The following INPP4B variants were observed in gnomAD, a reference collection of about 807,000 sequenced individuals.
INPP4B encodes inositol polyphosphate-4-phosphatase type II B.
In INPP4B, 55 loss-of-function variants were observed where a neutral mutation model predicts 122.5. The observed-to-expected ratio is 0.45, with a 90% CI of 0.36 to 0.56. The LOEUF (loss-of-function observed/expected upper bound fraction) is 0.56. INPP4B is among the 20% of genes least tolerant of loss of function. The probability of loss-of-function intolerance (pLI) is 0.00; values close to 1 mark genes in which losing one functional copy is unlikely to be tolerated. For missense variants in INPP4B, 1,000 were observed against 1,097.7 expected, an observed-to-expected ratio of 0.91 and a Z score of 1.26; for synonymous variants, 403 against 388.7, an observed-to-expected ratio of 1.04 and a Z score of -0.43.
intron 18 of INPP4B, among the ~76,000 whole-genome samples, chr4:142,135,412 T>G (rs1190775059): frequency 6.7e-6 from 1 of 149,464 alleles, no homozygotes; most frequent in Non-Finnish European, 1.5e-5. Flanking sequence ...ATTTTTAACC[T>G]TAAAAAAAAG....
intron 1 of INPP4B, among the ~76,000 whole-genome samples, chr4:142,762,015 A>T (rs958467897): frequency 3.9e-5 from 6 of 152,160 alleles, no homozygotes; most frequent in African/African-American, 1.4e-4. Flanking sequence ...TAAAAGAAAA[A>T]TGTGTTGCAT....
At chr4:142,631,725 A>G (rs532209632) in intron 2 of INPP4B, among the ~76,000 whole-genome samples, 1 of 152,120 alleles carries the variant, frequency 6.6e-6, no homozygotes, top group Non-Finnish European at 1.5e-5. Flanking sequence ...AGCAACAATT[A>G]CTCTGTCAGC....
chr4:142,441,652 T>C (rs187684361), intron 3 of INPP4B, among the ~76,000 whole-genome samples: 1 of 152,140 alleles, frequency 6.6e-6, no homozygotes, highest in East Asian at 1.9e-4. Context: ...GAGGAATTAA[T>C]CTTAAGGTGC....
intron 25 of INPP4B, among the ~76,000 whole-genome samples, chr4:142,070,976 G>T (rs1766902771): frequency 6.6e-6 from 1 of 152,028 alleles, no homozygotes; most frequent in African/African-American, 2.4e-5. Context: ...CACAGAATTG[G>T]AAAAAACTAC....
At chr4:142,091,268 C>A (rs906295436) in intron 23 of INPP4B, among the ~76,000 whole-genome samples, 1 of 152,146 alleles carries the variant, frequency 6.6e-6, no homozygotes, top group African/African-American at 2.4e-5. Flanking sequence ...AGCCAAGATT[C>A]CAGGAAAGTG....
chr4:142,087,259 C>T (rs142483616), intron 23 of INPP4B, among the ~76,000 whole-genome samples: 13 of 152,032 alleles, frequency 8.6e-5, no homozygotes, highest in South Asian at 4.2e-4. Flanking sequence ...AGATATGACA[C>T]GGAAAGAGGA....
At chr4:142,199,118 G>A (rs1839637904) in intron 14 of INPP4B, among the ~76,000 whole-genome samples, 1 of 151,972 alleles carries the variant, frequency 6.6e-6, no homozygotes, top group Admixed American at 6.6e-5. Flanking sequence ...CTCACACAAT[G>A]TAAAATATGG....
At chr4:142,688,514 T>C (rs1001869517) in intron 2 of INPP4B, among the ~76,000 whole-genome samples, 2 of 152,150 alleles carry the variant, frequency 1.3e-5, no homozygotes, top group Non-Finnish European at 2.9e-5. Context: ...GAAGCCTTCT[T>C]GAAACCACCT....
chr4:142,612,482 T>C (rs561075584), intron 2 of INPP4B, among the ~76,000 whole-genome samples: 23 of 152,292 alleles, frequency 1.5e-4, no homozygotes, highest in Admixed American at 1.2e-3. Flanking sequence ...CAGAAATGTA[T>C]TTCTCACTGT....
chr4:142,565,467 A>C (rs913096575), intron 2 of INPP4B, among the ~76,000 whole-genome samples: 1 of 152,214 alleles, frequency 6.6e-6, no homozygotes, highest in Non-Finnish European at 1.5e-5. Flanking sequence ...AACACAAATA[A>C]GTGAGTGAAC....
At chr4:142,438,122 T>C (rs1346063488) in intron 3 of INPP4B, among the ~76,000 whole-genome samples, 2 of 152,162 alleles carry the variant, frequency 1.3e-5, no homozygotes, top group African/African-American at 4.8e-5. Context: ...AATGTCCATA[T>C]TGTGCAAAGT....
chr4:142,321,679 A>C (rs1039836913), intron 7 of INPP4B, among the ~76,000 whole-genome samples: 1 of 152,052 alleles, frequency 6.6e-6, no homozygotes, highest in African/African-American at 2.4e-5. Flanking sequence ...CATTTGTTGA[A>C]TAGAGTGTCC....
chr4:142,301,216 C>T (rs1053575782), intron 9 of INPP4B, among the ~76,000 whole-genome samples: 5 of 152,112 alleles, frequency 3.3e-5, no homozygotes, highest in Non-Finnish European at 5.9e-5. Flanking sequence ...GCTAGCATTA[C>T]ATTTAGCATC....
intron 7 of INPP4B, among the ~76,000 whole-genome samples, chr4:142,382,500 C>T (rs1039736232): frequency 6.7e-6 from 1 of 148,600 alleles, no homozygotes; most frequent in African/African-American, 2.5e-5. Flanking sequence ...CAGTGAGACT[C>T]CGTTTCAAAA....
At chr4:142,613,238 C>T (rs563695305) in intron 2 of INPP4B, among the ~76,000 whole-genome samples, 7 of 152,164 alleles carry the variant, frequency 4.6e-5, no homozygotes, top group Non-Finnish European at 1.0e-4. Flanking sequence ...GTTTAATACA[C>T]TACTATTTGT....
chr4:142,607,334 T>C (rs1283521531), intron 2 of INPP4B, among the ~76,000 whole-genome samples: 1 of 152,116 alleles, frequency 6.6e-6, no homozygotes, highest in Non-Finnish European at 1.5e-5. Context: ...AATTACTCTA[T>C]TAAAGGCTAT....
chr4:142,574,890 A>G (rs1733526197), intron 2 of INPP4B, among the ~76,000 whole-genome samples: 1 of 152,064 alleles, frequency 6.6e-6, no homozygotes, highest in Non-Finnish European at 1.5e-5. Flanking sequence ...GAAGCTTCAC[A>G]CAGGCAGGCT....
intron 21 of INPP4B, among the ~76,000 whole-genome samples, chr4:142,115,394 T>G (rs1005469973): frequency 6.6e-6 from 1 of 152,116 alleles, no homozygotes; most frequent in Non-Finnish European, 1.5e-5. Flanking sequence ...GGAAAACATG[T>G]TAAGGGCAGT....
At chr4:142,213,201 T>C (rs911542718) in intron 12 of INPP4B, among the ~76,000 whole-genome samples, 1 of 152,126 alleles carries the variant, frequency 6.6e-6, no homozygotes, top group Non-Finnish European at 1.5e-5. Context: ...AGACCATAAT[T>C]CACCCACTTA....
Sources: allele counts gnomAD v4.1 joint callset (sites outside exome capture counted in the v4.1 genomes callset), GRCh38; gene constraint gnomAD v4.1.1; transcripts MANE v1.5; gene names NCBI Gene and HGNC (gene_info 2026-07-23, HGNC 2026-07-21).